The following EVI5 variants were observed in gnomAD, a reference collection of about 807,000 sequenced individuals.
EVI5 encodes ecotropic viral integration site 5 protein homolog.
EVI5 carries 73 observed loss-of-function variants against 112.0 expected under a neutral mutation model. The observed-to-expected ratio is 0.65, with a 90% confidence interval of 0.54 to 0.79. EVI5 has a LOEUF of 0.79. Among genes scored for constraint, EVI5 ranks in the 30% least tolerant of loss-of-function variants. EVI5 has a pLI of 0.00. For synonymous variants in EVI5, 305 were observed against 319.9 expected (o/e 0.95, Z 0.50); for missense variants, 900 against 968.8 (o/e 0.93, Z 0.94).
Position 92,756,704 on chromosome 1 carries a change from G to GT in EVI5, c.-81-20078dup, listed in dbSNP as rs369823898. On this transcript the variant is annotated intron_variant, in intron 1 of 19. Transcript: ENST00000684568. ...AAACAGTCACATAGACCTCACCGCT[G>GT]TATCGCCATCCTACATCAACCAAGC... The GT allele has an allele frequency of 1.5e-3, 757 of 489,894 alleles. 3 individuals are homozygous for GT. The highest frequency in any genetic ancestry group is 0.013 in the African/African-American group (685 of 51,168). 30.3% of individuals were successfully genotyped at this position (489,894 alleles called of 1,614,324 possible). A position where few individuals can be genotyped will look rare whatever the true frequency, so the allele number is the denominator to read the frequency against.
chr1:92,537,086 C>A (rs1385586049), intron 19 of EVI5, among the ~76,000 whole-genome samples: 4 of 152,056 alleles, frequency 2.6e-5, no homozygotes, highest in Admixed American at 1.3e-4. Flanking sequence ...GGAAGGGCTG[C>A]ATTGGGTATT....
chr1:92,620,135 G>A (rs568261355), intron 16 of EVI5, among the ~76,000 whole-genome samples: 11 of 152,142 alleles, frequency 7.2e-5, no homozygotes, highest in African/African-American at 2.4e-4. Context: ...ACCTGAAGTC[G>A]GAAGTTTGAG....
At chr1:92,702,054 AT>A (rs1179800287) in intron 5 of EVI5, 86 bp downstream of exon 5, 7 of 664,142 alleles carry the variant, frequency 1.1e-5, no homozygotes, top group Non-Finnish European at 1.8e-5. Flanking sequence ...ATCCACTTAC[AT>A]TTAATAAAAC....
At chr1:92,585,855 T>G (rs943088094) in intron 18 of EVI5, among the ~76,000 whole-genome samples, 1 of 151,842 alleles carries the variant, frequency 6.6e-6, no homozygotes, top group African/African-American at 2.4e-5. Flanking sequence ...TTAACCTGTT[T>G]TTTTTTTTTC....
chr1:92,625,728 C>G, intron 15 of EVI5, 66 bp downstream of exon 15: 2 of 1,452,186 alleles, frequency 1.4e-6, no homozygotes, highest in Non-Finnish European at 1.9e-6. Flanking sequence ...GTACTTCAAA[C>G]TCTTACAAAT....
At chr1:92,672,453 T>A (rs1666032135) in intron 10 of EVI5, among the ~76,000 whole-genome samples, 1 of 152,206 alleles carries the variant, frequency 6.6e-6, no homozygotes. Context: ...TCTAGTCCCA[T>A]CACTTCCTTC....
At chr1:92,705,463 T>C (rs928433516) in intron 2 of EVI5, among the ~76,000 whole-genome samples, 1 of 152,202 alleles carries the variant, frequency 6.6e-6, no homozygotes, top group Non-Finnish European at 1.5e-5. Flanking sequence ...GCAGAAGGAC[T>C]TTAATCTGCT....
intron 10 of EVI5, 81 bp downstream of exon 10, chr1:92,677,077 A>G (rs992678658): frequency 1.2e-6 from 1 of 840,984 alleles, no homozygotes; most frequent in Non-Finnish European, 2.0e-6. Flanking sequence ...TTATGAATAT[A>G]AGAAGTACAA....
chr1:92,608,898 G>A (rs1394016052), intron 16 of EVI5, among the ~76,000 whole-genome samples: 2 of 152,100 alleles, frequency 1.3e-5, no homozygotes, highest in African/African-American at 4.8e-5. Context: ...GTATCTCTGA[G>A]TCTCTATTTC....
intron 13 of EVI5, among the ~76,000 whole-genome samples, chr1:92,653,518 C>T (rs1030951522): frequency 6.6e-6 from 1 of 152,200 alleles, no homozygotes; most frequent in Non-Finnish European, 1.5e-5. Flanking sequence ...TGCTCAGACC[C>T]AGGCATGGAG....
chr1:92,598,309 C>G (rs1213113707), intron 18 of EVI5, among the ~76,000 whole-genome samples: 1 of 152,026 alleles, frequency 6.6e-6, no homozygotes, highest in East Asian at 1.9e-4. Context: ...GAACTTAATA[C>G]CTGGGTGATG....
chr1:92,652,176 G>C (rs1278842328), intron 13 of EVI5, among the ~76,000 whole-genome samples: 1 of 152,164 alleles, frequency 6.6e-6, no homozygotes, highest in Non-Finnish European at 1.5e-5. Context: ...AAAAATGAAT[G>C]AGATTCTGAT....
At chr1:92,609,658 G>T (rs1003263161) in intron 16 of EVI5, among the ~76,000 whole-genome samples, 1 of 151,518 alleles carries the variant, frequency 6.6e-6, no homozygotes, top group Non-Finnish European at 1.5e-5. Context: ...CTGCACCCGG[G>T]AAATTTTAGA....
chr1:92,562,175 A>C (rs969797203), intron 19 of EVI5, among the ~76,000 whole-genome samples: 12 of 152,178 alleles, frequency 7.9e-5, no homozygotes, highest in African/African-American at 2.4e-4. Context: ...CAAAAGAATA[A>C]AGATTTCTAC....
chr1:92,645,934 A>T (rs1174492096), intron 13 of EVI5, among the ~76,000 whole-genome samples: 1 of 152,090 alleles, frequency 6.6e-6, no homozygotes, highest in African/African-American at 2.4e-5. Flanking sequence ...AGGCAACCAC[A>T]ACTCTGATCA....
chr1:92,704,500 T>C, intron 3 of EVI5, 55 bp downstream of exon 3: 1 of 1,133,162 alleles, frequency 8.8e-7, no homozygotes, highest in East Asian at 2.5e-5. Context: ...TCTATTAAGT[T>C]ATGTCTGACG....
At chr1:92,711,485 T>C (rs2102615342) in intron 2 of EVI5, among the ~76,000 whole-genome samples, 1 of 152,252 alleles carries the variant, frequency 6.6e-6, no homozygotes, top group East Asian at 1.9e-4. Context: ...AAACGCTGTA[T>C]GATACAAACA....
chr1:92,601,674 T>G (rs1450119922), intron 18 of EVI5, among the ~76,000 whole-genome samples: 1 of 151,822 alleles, frequency 6.6e-6, no homozygotes, highest in Non-Finnish European at 1.5e-5. Context: ...AAGTACAGAG[T>G]AGAATGGTGG....
chr1:92,781,089 A>G (rs1684804562), intron 1 of EVI5, among the ~76,000 whole-genome samples: 1 of 151,842 alleles, frequency 6.6e-6, no homozygotes, highest in Admixed American at 6.6e-5. Flanking sequence ...TGACCTCATG[A>G]TCCGCTCGCC....
Sources: gnomAD v4.1 joint callset for allele counts (sites outside exome capture counted in the v4.1 genomes callset) on GRCh38, gnomAD v4.1.1 for gene constraint, MANE v1.5 for transcripts, NCBI Gene and HGNC (gene_info 2026-07-23, HGNC 2026-07-21) for gene names.